The following DNAH3 variants were observed in gnomAD, a reference collection of about 807,000 sequenced individuals.
DNAH3 encodes axonemal beta dynein heavy chain 3.
In DNAH3, 332 loss-of-function variants were observed where a neutral mutation model predicts 432.5. The ratio of observed to expected loss-of-function variants is 0.77; its 90% CI spans 0.70 to 0.84. The LOEUF is 0.84. DNAH3 is among the 40% of genes least tolerant of loss of function. The probability of loss-of-function intolerance (pLI) is 0.00; values close to 1 mark genes in which losing one functional copy is unlikely to be tolerated. For missense variants in DNAH3, 4,861 were observed against 5,114.0 expected, an observed-to-expected ratio of 0.95 and a Z score of 1.51; for synonymous variants, 1,956 against 1,900.2, an observed-to-expected ratio of 1.03 and a Z score of -0.76.
At chr16:21,064,039 T>G (rs1224322912) in intron 24 of DNAH3, among the ~76,000 whole-genome samples, 1 of 152,174 alleles carries the variant, frequency 6.6e-6, no homozygotes, top group African/African-American at 2.4e-5. Context: ...GGCCACGATA[T>G]TTACAGTTCC....
chr16:21,009,069 T>G (rs953872725), intron 41 of DNAH3, among the ~76,000 whole-genome samples: 15 of 152,180 alleles, frequency 9.9e-5, no homozygotes, highest in African/African-American at 3.6e-4. Context: ...AAGTCAGAAA[T>G]CCCATTTCTG....
At chr16:20,959,608 TAA>T (rs1491461248) in intron 53 of DNAH3, among the ~76,000 whole-genome samples, 1,482 of 109,518 alleles carry the variant, frequency 0.014, 17 homozygotes, top group South Asian at 0.018. Flanking sequence ...TGTCTCTATT[TAA>T]ACACACACAC....
intron 25 of DNAH3, among the ~76,000 whole-genome samples, chr16:21,061,420 C>T (rs375466186): frequency 4.0e-5 from 6 of 151,612 alleles, no homozygotes; most frequent in African/African-American, 1.5e-4. Flanking sequence ...GACAGGGTTT[C>T]GCCATGTTGG....
intron 44 of DNAH3, among the ~76,000 whole-genome samples, chr16:20,993,240 T>G (rs1469581446): frequency 6.6e-6 from 1 of 152,198 alleles, no homozygotes; most frequent in Non-Finnish European, 1.5e-5. Flanking sequence ...ACTCAAGGGA[T>G]AAGATAAATA....
rs199873528 is a variant in DNAH3, at chr16:21,120,870, G to C, written c.1585-16C>G. 4.4e-6 allele frequency: 7 copies of C among 1,575,400 alleles called. No homozygotes were observed. The African/African-American group carries it at 8.1e-5, about 18-fold the overall frequency. ...TGTATTTCAGCTGTCCCCATACATAGTCATCCAAATTACAGGGTCTTTTCT... is the reference window on the plus strand; with the variant it reads ...TGTATTTCAGCTGTCCCCATACATACTCATCCAAATTACAGGGTCTTTTCT... On this transcript the variant is annotated splice_polypyrimidine_tract_variant and intron_variant, in intron 10 of 61. Transcript: ENST00000261383.
chr16:20,987,711 G>A (rs1449619602), exon 46 of DNAH3: 7 of 1,613,924 alleles, frequency 4.3e-6, no homozygotes, highest in Non-Finnish European at 5.9e-6. Flanking sequence ...GTGTGTGAGG[G>A]CACAGCAGGA....
chr16:20,970,038 C>A (rs371609398), intron 51 of DNAH3, 48 bp from the exon 52 acceptor site: 1 of 1,565,616 alleles, frequency 6.4e-7, no homozygotes, highest in East Asian at 2.2e-5. Flanking sequence ...GGGCCTGGCA[C>A]AATGGGGGCG....
At chr16:21,071,059 T>TA (rs2090763125) in intron 21 of DNAH3, among the ~76,000 whole-genome samples, 2 of 151,612 alleles carry the variant, frequency 1.3e-5, no homozygotes, top group African/African-American at 4.9e-5. Context: ...TTTTTTTTTT[T>TA]AAGACAGAGT....
chr16:21,075,425 C>T (rs1170078839), intron 21 of DNAH3, 22 bp downstream of exon 21: 9 of 1,528,600 alleles, frequency 5.9e-6, no homozygotes, highest in Non-Finnish European at 7.3e-6. Flanking sequence ...TCAAAAGGGG[C>T]TGCGGTTGCA....
At chr16:21,076,923 G>A (rs372388142) in intron 20 of DNAH3, among the ~76,000 whole-genome samples, 4 of 152,146 alleles carry the variant, frequency 2.6e-5, no homozygotes, top group South Asian at 2.1e-4. Context: ...GAGCTGTACC[G>A]TACCTTCTAG....
At chr16:21,061,278 A>G (rs985114092) in intron 25 of DNAH3, among the ~76,000 whole-genome samples, 7 of 123,006 alleles carry the variant, frequency 5.7e-5, no homozygotes, top group Non-Finnish European at 9.8e-5. Context: ...CTTGTCACCC[A>G]AGGCTGGAGT....
intron 40 of DNAH3, among the ~76,000 whole-genome samples, chr16:21,020,552 G>C (rs964060453): frequency 1.3e-5 from 2 of 148,734 alleles, no homozygotes; most frequent in African/African-American, 5.0e-5. Flanking sequence ...ACAGGCACCC[G>C]CCACCTCACC....
intron 41 of DNAH3, among the ~76,000 whole-genome samples, chr16:21,005,681 ATTT>A (rs150056370): frequency 6.9e-6 from 1 of 145,710 alleles, no homozygotes; most frequent in Non-Finnish European, 1.5e-5. Context: ...GCCCAGCCTC[ATTT>A]TTTTTTTTTT....
Position 21,037,750 on chromosome 16 carries a change from C to A in DNAH3, c.4950+11G>T, listed in dbSNP as rs1363533828. The A allele has an allele frequency of 1.9e-6, 3 of 1,613,418 alleles. No individual in the cohort carries two copies. In the Admixed American group the frequency reaches 5.0e-5, roughly 27 times the overall value. Reference sequence around the variant, plus strand: ...CTTGGTCCTCGGCCAAGGTCCTGAACCGCTACATACCTGAAACAGAGGGAC... The same window carrying A: ...CTTGGTCCTCGGCCAAGGTCCTGAAACGCTACATACCTGAAACAGAGGGAC... On this transcript the variant is annotated intron_variant, in intron 34 of 61. Transcript: ENST00000261383.
intron 24 of DNAH3, 69 bp downstream of exon 24, chr16:21,067,214 T>C: frequency 1.9e-6 from 3 of 1,575,746 alleles, no homozygotes; most frequent in Non-Finnish European, 2.6e-6. Flanking sequence ...ACTCTTGGCA[T>C]GAAAAATGTA....
At chr16:21,067,065 A>T (rs1480975113) in intron 24 of DNAH3, among the ~76,000 whole-genome samples, 1 of 152,212 alleles carries the variant, frequency 6.6e-6, no homozygotes, top group Non-Finnish European at 1.5e-5. Context: ...GTTGGTTTGG[A>T]CAACGTGTGC....
intron 5 of DNAH3, among the ~76,000 whole-genome samples, chr16:21,139,415 G>A (rs756757686): frequency 6.9e-6 from 1 of 145,356 alleles, no homozygotes; most frequent in Non-Finnish European, 1.5e-5. Context: ...TGGGATGCCT[G>A]AGGTGTCAGA....
intron 41 of DNAH3, among the ~76,000 whole-genome samples, chr16:21,003,408 T>C (rs1377034036): frequency 6.6e-6 from 1 of 152,192 alleles, no homozygotes; most frequent in Admixed American, 6.6e-5. Flanking sequence ...ACTTTATTAT[T>C]TGTGTAAAAA....
chr16:21,092,591 G>A (rs2152785967), intron 18 of DNAH3, among the ~76,000 whole-genome samples: 1 of 149,674 alleles, frequency 6.7e-6, no homozygotes, highest in South Asian at 2.1e-4. Flanking sequence ...CAACACAGAA[G>A]GCACAACACA....
Sources: allele counts gnomAD v4.1 joint callset (sites outside exome capture counted in the v4.1 genomes callset), GRCh38; gene constraint gnomAD v4.1.1; transcripts MANE v1.5; gene names NCBI Gene and HGNC (gene_info 2026-07-23, HGNC 2026-07-21).